The following SHISA9 variants were observed in gnomAD, a reference collection of about 807,000 sequenced individuals.
The protein encoded by SHISA9 is shisa family member 9, also known as protein shisa-9.
Under a neutral mutation model 38.0 loss-of-function variants are expected in SHISA9, and 13 were observed. The observed-to-expected ratio is 0.34, with a 90% CI of 0.22 to 0.54. SHISA9 has a LOEUF of 0.54. Ranked by LOEUF, SHISA9 falls within the 20% of genes least tolerant of loss-of-function variation. The pLI is 0.91. For synonymous variants in SHISA9, 275 were observed against 242.0 expected, an observed-to-expected ratio of 1.14 and a Z score of -1.27; for missense variants, 538 against 575.8, an observed-to-expected ratio of 0.93 and a Z score of 0.67.
intron 2 of SHISA9, among the ~76,000 whole-genome samples, chr16:12,972,868 C>A (rs1317905470): frequency 1.3e-5 from 2 of 152,028 alleles, no homozygotes; most frequent in Admixed American, 1.3e-4. Context: ...GTAATCTCAG[C>A]ATTTTGGGAG....
intron 2 of SHISA9, among the ~76,000 whole-genome samples, chr16:13,045,984 T>A (rs2073184194): frequency 6.6e-6 from 1 of 152,174 alleles, no homozygotes; most frequent in Non-Finnish European, 1.5e-5. Context: ...TCTCTCACAG[T>A]GGAATTGAGG....
the SHISA9 span, among the ~76,000 whole-genome samples, chr16:13,477,035 C>T: frequency 4.6e-5 from 7 of 152,152 alleles, no homozygotes; most frequent in East Asian, 1.9e-4. Flanking sequence ...TGAGCCACTG[C>T]GCCCAGCCTT....
chr16:13,034,397 C>T (rs544824034), intron 2 of SHISA9, among the ~76,000 whole-genome samples: 2 of 152,174 alleles, frequency 1.3e-5, no homozygotes, highest in South Asian at 2.1e-4. Flanking sequence ...CAACTCACAC[C>T]TTATGAAAGT....
rs1447023100 is a variant in SHISA9, at chr16:12,902,883, C to G, written c.563+256C>G. The G allele has an allele frequency of 4.5e-5, 19 of 418,424 alleles. No homozygotes were observed. In the South Asian group the frequency reaches 1.0e-3, roughly 22 times the overall value. 25.9% of individuals were successfully genotyped at this position (418,424 alleles called of 1,614,324 possible). On this transcript the variant is annotated intron_variant, in intron 1 of 4. Transcript: ENST00000558583. ...GTGTGTGTGTGACTCTGCTCCCTCA[C>G]CCTCTGGCCGCCTCCTCCCGCTGGT...
chr16:13,074,095 G>T (rs533348754), intron 2 of SHISA9, among the ~76,000 whole-genome samples: 1 of 151,196 alleles, frequency 6.6e-6, no homozygotes, highest in Non-Finnish European at 1.5e-5. Context: ...TCAGCCTCCC[G>T]AGTAGCTGGA....
chr16:13,014,637 C>A (rs1297318792), intron 2 of SHISA9, among the ~76,000 whole-genome samples: 2 of 151,784 alleles, frequency 1.3e-5, no homozygotes, highest in Non-Finnish European at 2.9e-5. Context: ...CGGGTTACTG[C>A]TTTGCACCAA....
At chr16:12,946,836 G>C (rs922011200) in intron 2 of SHISA9, among the ~76,000 whole-genome samples, 1 of 152,252 alleles carries the variant, frequency 6.6e-6, no homozygotes, top group African/African-American at 2.4e-5. Context: ...TCTAGGGCAG[G>C]AGGCAGCAAC....
At chr16:13,252,363 G>T in the SHISA9 span, among the ~76,000 whole-genome samples, 1 of 152,180 alleles carries the variant, frequency 6.6e-6, no homozygotes, top group Non-Finnish European at 1.5e-5. Flanking sequence ...TGGGAGATAG[G>T]TTGCTACTGG....
chr16:13,536,337 C>G, the SHISA9 span, among the ~76,000 whole-genome samples: 1 of 152,126 alleles, frequency 6.6e-6, no homozygotes, highest in African/African-American at 2.4e-5. Flanking sequence ...TTTTCCTCTA[C>G]ATATCCCTGT....
the SHISA9 span, among the ~76,000 whole-genome samples, chr16:13,551,034 G>A: frequency 2.0e-5 from 3 of 151,694 alleles, no homozygotes; most frequent in African/African-American, 7.3e-5. Context: ...GAGGCAAGGA[G>A]AATCGCTTGA....
intron 2 of SHISA9, among the ~76,000 whole-genome samples, chr16:13,196,808 T>G (rs955453753): frequency 6.6e-6 from 1 of 152,092 alleles, no homozygotes; most frequent in African/African-American, 2.4e-5. Flanking sequence ...AATTTATTGT[T>G]TGAGGCCAGG....
At chr16:13,350,601 C>G in the SHISA9 span, 4 of 152,224 alleles carry the variant, frequency 2.6e-5, no homozygotes, top group Non-Finnish European at 5.9e-5. Context: ...CTGAAAGCCA[C>G]GCTTGGGATC....
the SHISA9 span, among the ~76,000 whole-genome samples, chr16:13,448,813 C>G: frequency 6.6e-6 from 1 of 152,202 alleles, no homozygotes; most frequent in Non-Finnish European, 1.5e-5. Flanking sequence ...AAAATTAGCA[C>G]TCAATGCCAG....
At chr16:13,100,708 C>A (rs181112222) in intron 2 of SHISA9, among the ~76,000 whole-genome samples, 1 of 152,144 alleles carries the variant, frequency 6.6e-6, no homozygotes. Flanking sequence ...ACGAGTTTGG[C>A]TATTTATTTA....
In SHISA9 at chr16:13,170,981, TA is replaced by T. The variant is rs902145972; in HGVS notation, c.692-32406del. On this transcript the variant is annotated intron_variant, in intron 2 of 4. Coordinates refer to ENST00000558583, the MANE Select transcript of SHISA9 (RefSeq NM_001145204.3). The stretch of plus-strand genomic sequence containing the variant: ...CTAAAATAAAAGTTGAAGGAAAAAA[TA>T]AAAAAAGAAAAAGAAAAGAGATTTA... Among the ~76,000 whole-genome samples, 4 of 151,602 alleles carry T rather than the reference TA, an allele frequency of 2.6e-5. No individual in the cohort carries two copies. In the East Asian group the frequency reaches 5.8e-4, roughly 22 times the overall value.
chr16:13,080,818 A>T (rs923221488), intron 2 of SHISA9, among the ~76,000 whole-genome samples: 4 of 152,244 alleles, frequency 2.6e-5, no homozygotes, highest in Non-Finnish European at 5.9e-5. Context: ...GGCTTAAACA[A>T]CAAATATTTA....
chr16:13,181,530 G>A (rs368950017), intron 2 of SHISA9, among the ~76,000 whole-genome samples: 4 of 151,760 alleles, frequency 2.6e-5, no homozygotes, highest in African/African-American at 9.7e-5. Flanking sequence ...TGGTAGGTGC[G>A]GGATCATGCA....
the SHISA9 span, among the ~76,000 whole-genome samples, chr16:13,338,142 G>C: frequency 6.6e-6 from 1 of 152,174 alleles, no homozygotes; most frequent in Non-Finnish European, 1.5e-5. Context: ...TAAGGAGACA[G>C]CTTACCCAAC....
At chr16:13,114,465 CA>C (rs58742818) in intron 2 of SHISA9, among the ~76,000 whole-genome samples, 3,592 of 51,056 alleles carry the variant, frequency 0.07, 11 homozygotes, top group Non-Finnish European at 0.11. Flanking sequence ...GATTCCATCT[CA>C]AAAAAAAAAA....
Sources: gnomAD v4.1 joint callset for allele counts (sites outside exome capture counted in the v4.1 genomes callset) on GRCh38, gnomAD v4.1.1 for gene constraint, MANE v1.5 for transcripts, NCBI Gene and HGNC (gene_info 2026-07-23, HGNC 2026-07-21) for gene names.